Variants in CISD2 observed in about 807,000 individuals in gnomAD.
The protein encoded by CISD2 is CDGSH iron sulfur domain 2.
CISD2 carries 1 observed loss-of-function variant against 12.9 expected under a neutral mutation model. That is an observed-to-expected ratio of 0.08 (90% CI 0.03 to 0.37). The LOEUF is 0.37. CISD2 is among the 10% of genes least tolerant of loss of function. The pLI is 0.99. For synonymous variants in CISD2, 50 were observed against 60.6 expected (o/e 0.83, Z 0.81); for missense variants, 97 against 163.1 (o/e 0.59, Z 2.21).
At chr4:102,880,577 C>T (rs115686881) in intron 1 of CISD2, among the ~76,000 whole-genome samples, 2,270 of 151,396 alleles carry the variant, frequency 0.015, 57 homozygotes, top group African/African-American at 0.049. Context: ...ATTTGGGTGG[C>T]GGAGGCACAA....
chr4:102,881,709 T>C (rs374682579), intron 1 of CISD2, among the ~76,000 whole-genome samples: 5 of 152,236 alleles, frequency 3.3e-5, no homozygotes, highest in African/African-American at 1.2e-4. Flanking sequence ...GTTAAGACTT[T>C]GGTAAGTTAT....
chr4:102,885,494 TC>T, intron 2 of CISD2, 64 bp downstream of exon 2: 1 of 1,256,818 alleles, frequency 8.0e-7, no homozygotes, highest in Non-Finnish European at 1.2e-6. Flanking sequence ...GCCTCTTAAA[TC>T]CCCAGTTTTG....
intron 1 of CISD2, among the ~76,000 whole-genome samples, chr4:102,871,985 A>G (rs947390790): frequency 6.6e-6 from 1 of 152,236 alleles, no homozygotes; most frequent in Non-Finnish European, 1.5e-5. Flanking sequence ...ACCTATCAGA[A>G]ACAACTTAAC....
At chr4:102,869,250 T>G in intron 1 of CISD2, 63 bp downstream of exon 1, 1 of 1,548,102 alleles carries the variant, frequency 6.5e-7, no homozygotes, top group Non-Finnish European at 8.7e-7. Flanking sequence ...GAAGGAGGCG[T>G]AAAAATCCTA....
chr4:102,874,589 G>A (rs1325544102), intron 1 of CISD2: 2 of 152,200 alleles, frequency 1.3e-5, no homozygotes, highest in Non-Finnish European at 2.9e-5. Context: ...CAAGCTAAGG[G>A]ACACCACAGC....
At chr4:102,873,269 T>C (rs898456102) in intron 1 of CISD2, among the ~76,000 whole-genome samples, 5 of 152,138 alleles carry the variant, frequency 3.3e-5, no homozygotes, top group Non-Finnish European at 4.4e-5. Context: ...CTGACTAGAT[T>C]TTGGTTTTCT....
chr4:102,891,562 C>A lies in CISD2; in HGVS notation c.*4132C>A, dbSNP rs901812583. ...GGATATGTGTTGCATTTGGTGGTAACAATTTCCCCTTAGCTATTTAGTTAA... is the reference window on the plus strand; with the variant it reads ...GGATATGTGTTGCATTTGGTGGTAAAAATTTCCCCTTAGCTATTTAGTTAA... On this transcript the variant is annotated 3_prime_UTR_variant, in exon 3 of 3. Transcript: ENST00000273986. The A allele has an allele frequency of 6.6e-6, 1 of 152,152 alleles. No individual in the cohort carries two copies. Among genetic ancestry groups the A allele is most frequent in the Non-Finnish European group, 1.5e-5 (1 of 68,034 alleles). 9.4% of individuals were successfully genotyped at this position (152,152 alleles called of 1,614,324 possible).
intron 1 of CISD2, among the ~76,000 whole-genome samples, chr4:102,874,341 C>T (rs77203717): frequency 0.016 from 2,469 of 152,118 alleles, 63 homozygotes; most frequent in African/African-American, 0.053. Context: ...GGGAGGGAGG[C>T]AGGAGGTCAA....
At chr4:102,883,740 A>T (rs112318868) in intron 1 of CISD2, among the ~76,000 whole-genome samples, 1,822 of 152,338 alleles carry the variant, frequency 0.012, 22 homozygotes, top group African/African-American at 0.036. Flanking sequence ...TGGCAGACAA[A>T]GTTCATACTT....
At chr4:102,885,062 G>A (rs1223619247) in intron 1 of CISD2, 154 bp from the exon 2 acceptor site, 1 of 670,242 alleles carries the variant, frequency 1.5e-6, no homozygotes, top group East Asian at 2.8e-5. Context: ...GGTAGAGCTG[G>A]CTTTATTGTG....
chr4:102,876,391 T>C (rs757329034), intron 1 of CISD2, among the ~76,000 whole-genome samples: 1 of 152,206 alleles, frequency 6.6e-6, no homozygotes, highest in East Asian at 1.9e-4. Flanking sequence ...GCTACTGTAT[T>C]TGCATTTAGC....
At position 102,887,662 on chromosome 4, in the gene CISD2, T is replaced by A; in HGVS notation, c.*232T>A. ...TCCAACAATAAAATCACTTCTGATT[T>A]TAATCTAGGAAAACCTAAATTGTGG... On this transcript the variant is annotated 3_prime_UTR_variant, in exon 3 of 3. Transcript: ENST00000273986. 1 of 346,712 alleles carries A rather than the reference T, an allele frequency of 2.9e-6. No homozygotes were observed. The highest frequency in any genetic ancestry group is 5.3e-6 in the Non-Finnish European group (1 of 189,434). The allele number at this position is 346,712 out of a possible 1,614,324, so 21.5% of individuals were successfully genotyped here.
intron 1 of CISD2, among the ~76,000 whole-genome samples, chr4:102,871,121 C>G (rs7698383): frequency 0.018 from 2,795 of 152,188 alleles, 79 homozygotes; most frequent in African/African-American, 0.061. Context: ...AATGAATTAC[C>G]TATGTTTTTT....
Position 102,885,352 on chromosome 4 carries a change from G to C in CISD2, c.240G>C (p.Pro80=), listed in dbSNP as rs375529885. The part of the protein sequence containing the change: ...LINLKIQKEN[P]KVVNEINIED... ...ATCTTAAAATACAAAAGGAAAATCC[G>C]AAAGTAGTGAATGAAATAAACATTG... The change falls in exon 2 of 3, where the codon CCG becomes CCC. Residue 80 remains proline (P), a synonymous_variant. Coordinates refer to ENST00000273986, the MANE Select transcript of CISD2 (RefSeq NM_001008388.5). The C allele has an allele frequency of 6.2e-7, 1 of 1,613,980 alleles. No homozygotes were observed.
intron 1 of CISD2, among the ~76,000 whole-genome samples, chr4:102,869,837 T>C (rs1054162276): frequency 5.3e-5 from 8 of 152,130 alleles, no homozygotes; most frequent in African/African-American, 1.9e-4. Flanking sequence ...AAGGCCGGTA[T>C]GAGGAGTGAA....
At chr4:102,882,562 T>A (rs766863674) in intron 1 of CISD2, among the ~76,000 whole-genome samples, 1 of 152,188 alleles carries the variant, frequency 6.6e-6, no homozygotes, top group Non-Finnish European at 1.5e-5. Flanking sequence ...TGATCTATAG[T>A]AGCATTGTCC....
intron 1 of CISD2, among the ~76,000 whole-genome samples, chr4:102,878,255 C>G (rs1195856722): frequency 6.6e-6 from 1 of 152,132 alleles, no homozygotes; most frequent in Non-Finnish European, 1.5e-5. Context: ...CCTGCCTCAG[C>G]CTCCCGAGTA....
chr4:102,880,949 G>A (rs953279754), intron 1 of CISD2, among the ~76,000 whole-genome samples: 4 of 145,272 alleles, frequency 2.8e-5, no homozygotes, highest in Non-Finnish European at 4.5e-5. Flanking sequence ...GAGCTAACAC[G>A]ACACACACTC....
rs60312102 is a variant in CISD2 at position 102,877,380 on chromosome 4, T to C, written c.104-7836T>C. Among the ~76,000 whole-genome samples, 650 of 152,312 alleles carry C rather than the reference T, an allele frequency of 4.3e-3. 3 individuals carry two copies. Among genetic ancestry groups the C allele is most frequent in the African/African-American group, 0.012 (479 of 41,576 alleles). ...GGGCCCATGCAAGTCTGAAATCCAGTGGGGCAGTCATTAAATCATAAAGCT... is the reference window on the plus strand; with the variant it reads ...GGGCCCATGCAAGTCTGAAATCCAGCGGGGCAGTCATTAAATCATAAAGCT... On this transcript the variant is annotated intron_variant, in intron 1 of 2. Transcript: ENST00000273986.
Sources: allele counts gnomAD v4.1 joint callset (sites outside exome capture counted in the v4.1 genomes callset), GRCh38; gene constraint gnomAD v4.1.1; transcripts MANE v1.5; gene names NCBI Gene and HGNC (gene_info 2026-07-23, HGNC 2026-07-21).